SSBP2: variants seen among roughly 807,000 people sequenced by gnomAD.
The protein encoded by SSBP2 is single-stranded DNA-binding protein 2.
A neutral mutation model predicts 61.8 loss-of-function variants in SSBP2; 17 were observed. That is an observed-to-expected ratio of 0.28 (90% CI 0.19 to 0.41). The LOEUF is 0.41. SSBP2 is among the 10% of genes least tolerant of loss of function. SSBP2 has a pLI of 1.00. For synonymous variants in SSBP2, 139 were observed against 141.3 expected (o/e 0.98, Z 0.12); for missense variants, 310 against 458.7 (o/e 0.68, Z 2.96).
At chr5:81,607,580 T>C (rs74624623) in intron 4 of SSBP2, among the ~76,000 whole-genome samples, 1,676 of 152,276 alleles carry the variant, frequency 0.011, 42 homozygotes, top group African/African-American at 0.038. Context: ...AGGGCTAATA[T>C]GTTGAGAGAT....
At chr5:81,611,290 T>C (rs973165531) in intron 4 of SSBP2, among the ~76,000 whole-genome samples, 1 of 152,186 alleles carries the variant, frequency 6.6e-6, no homozygotes, top group Non-Finnish European at 1.5e-5. Context: ...TTTTTGTTTC[T>C]TTCCTTCATA....
At chr5:81,561,537 T>A (rs981499072) in intron 4 of SSBP2, among the ~76,000 whole-genome samples, 1 of 152,030 alleles carries the variant, frequency 6.6e-6, no homozygotes, top group Admixed American at 6.6e-5. Context: ...AGCAAAACTA[T>A]CAGTTAATTC....
At chr5:81,497,158 T>C (rs2154065196) in intron 5 of SSBP2, among the ~76,000 whole-genome samples, 1 of 152,360 alleles carries the variant, frequency 6.6e-6, no homozygotes, top group South Asian at 2.1e-4. Context: ...GGAACATTTT[T>C]GGTGGAGTTT....
chr5:81,661,364 T>C (rs1224204915), intron 1 of SSBP2, among the ~76,000 whole-genome samples: 1 of 152,168 alleles, frequency 6.6e-6, no homozygotes, highest in Non-Finnish European at 1.5e-5. Context: ...CCTGTGGATA[T>C]ACAGAGTGGG....
At chr5:81,733,915 C>CA (rs1263365134) in intron 1 of SSBP2, among the ~76,000 whole-genome samples, 2 of 152,056 alleles carry the variant, frequency 1.3e-5, no homozygotes, top group Non-Finnish European at 2.9e-5. Context: ...TCTTCTCTGT[C>CA]AAAGGTAAGG....
intron 15 of SSBP2, among the ~76,000 whole-genome samples, chr5:81,435,012 C>T (rs1762586219): frequency 6.6e-6 from 1 of 152,156 alleles, no homozygotes; most frequent in African/African-American, 2.4e-5. Flanking sequence ...ATGGTACTAT[C>T]ACCCAGGGGT....
At chr5:81,586,846 A>T (rs1204642968) in intron 4 of SSBP2, among the ~76,000 whole-genome samples, 1 of 151,740 alleles carries the variant, frequency 6.6e-6, no homozygotes, top group African/African-American at 2.4e-5. Flanking sequence ...AGGAGTCTAA[A>T]ATTCTGGTAT....
chr5:81,560,355 C>T (rs112105547), intron 4 of SSBP2, among the ~76,000 whole-genome samples: 6 of 151,976 alleles, frequency 3.9e-5, no homozygotes, highest in African/African-American at 1.5e-4. Flanking sequence ...AGTCCTGTGG[C>T]TATAAACTCT....
rs1261428477 is a variant in SSBP2, at chr5:81,415,406, A to C, written c.*5098T>G. 1 of 152,174 alleles carries C rather than the reference A, an allele frequency of 6.6e-6. No individual in the cohort carries two copies. The highest frequency in any genetic ancestry group is 2.4e-5 in the African/African-American group (1 of 41,430). 9.4% of individuals were successfully genotyped at this position (152,174 alleles called of 1,614,324 possible). ...ATGCACATCCTCCAATATACTTCAA[A>C]TCATCTCGTTTACTTATAATACCTA... On this transcript the variant is annotated 3_prime_UTR_variant, in exon 17 of 17. Transcript: ENST00000320672.
intron 4 of SSBP2, among the ~76,000 whole-genome samples, chr5:81,549,492 T>C (rs1311644818): frequency 6.6e-6 from 1 of 152,190 alleles, no homozygotes; most frequent in Non-Finnish European, 1.5e-5. Context: ...ATCCTACACA[T>C]AACCTACTTG....
chr5:81,547,662 G>A (rs995584351), intron 4 of SSBP2, among the ~76,000 whole-genome samples: 2 of 151,908 alleles, frequency 1.3e-5, no homozygotes, highest in East Asian at 3.8e-4. Context: ...TTGTAGAGAC[G>A]ATGTCTTGCT....
At chr5:81,482,424 G>A (rs1005098105) in intron 6 of SSBP2, among the ~76,000 whole-genome samples, 8 of 152,166 alleles carry the variant, frequency 5.3e-5, no homozygotes, top group African/African-American at 1.7e-4. Context: ...TCTTCCAACA[G>A]TTTAGTGTAG....
In SSBP2 at chr5:81,587,716, C is replaced by T. The variant is rs567974270; in HGVS notation, c.282+27757G>A. ...CTGCATTCCAGCCTAAGCAACAGAGCTAGACTCTGTCTCAAAACATACACA... is the reference window on the plus strand; with the variant it reads ...CTGCATTCCAGCCTAAGCAACAGAGTTAGACTCTGTCTCAAAACATACACA... On this transcript the variant is annotated intron_variant, in intron 4 of 16. Coordinates refer to ENST00000320672, the MANE Select transcript of SSBP2 (RefSeq NM_012446.5). Among the ~76,000 whole-genome samples, 4 of 151,638 alleles carry T rather than the reference C, an allele frequency of 2.6e-5. No individual in the cohort carries two copies. The South Asian group carries it at 6.3e-4, about 24-fold the overall frequency.
At chr5:81,435,606 G>A (rs551543829) in intron 15 of SSBP2, among the ~76,000 whole-genome samples, 15 of 152,112 alleles carry the variant, frequency 9.9e-5, no homozygotes, top group African/African-American at 2.9e-4. Context: ...CTGATATGAG[G>A]GCAGATTAGA....
intron 4 of SSBP2, among the ~76,000 whole-genome samples, chr5:81,583,880 C>T (rs571383128): frequency 1.3e-5 from 2 of 152,264 alleles, no homozygotes; most frequent in East Asian, 3.9e-4. Context: ...TCAAATCTAC[C>T]TTCATCAAAT....
intron 4 of SSBP2, among the ~76,000 whole-genome samples, chr5:81,548,800 T>C (rs1465821135): frequency 6.6e-6 from 1 of 152,026 alleles, no homozygotes; most frequent in Non-Finnish European, 1.5e-5. Flanking sequence ...TGGGCACCTG[T>C]AGTCACAGCT....
intron 1 of SSBP2, among the ~76,000 whole-genome samples, chr5:81,672,451 G>A (rs1419510679): frequency 2.6e-5 from 4 of 151,996 alleles, no homozygotes; most frequent in African/African-American, 2.4e-5. Flanking sequence ...TAAAATAAAT[G>A]TTTAAGATGA....
chr5:81,688,392 C>A (rs527376946), intron 1 of SSBP2, among the ~76,000 whole-genome samples: 1 of 152,316 alleles, frequency 6.6e-6, no homozygotes, highest in African/African-American at 2.4e-5. Flanking sequence ...ACTTTGCCAT[C>A]TGCTGATTAT....
chr5:81,497,678 A>T (rs545805198), intron 5 of SSBP2, among the ~76,000 whole-genome samples: 1 of 152,288 alleles, frequency 6.6e-6, no homozygotes, highest in Admixed American at 6.5e-5. Context: ...TAAGTAAAAA[A>T]CAAAGAGCTG....
Sources: allele counts gnomAD v4.1 joint callset (sites outside exome capture counted in the v4.1 genomes callset), GRCh38; gene constraint gnomAD v4.1.1; transcripts MANE v1.5; gene names NCBI Gene and HGNC (gene_info 2026-07-23, HGNC 2026-07-21).